ALOX12B: variants seen among roughly 807,000 people sequenced by gnomAD.
ALOX12B encodes the protein arachidonate 12-lipoxygenase, 12R type, also known as arachidonate 12-lipoxygenase, 12R-type.
ALOX12B carries 47 observed loss-of-function variants against 78.9 expected under a neutral mutation model. That is an observed-to-expected ratio of 0.60 (90% CI 0.47 to 0.76). ALOX12B has a LOEUF of 0.76. Among genes scored for constraint, ALOX12B ranks in the 30% least tolerant of loss-of-function variants. The pLI, the probability that ALOX12B is intolerant of heterozygous loss-of-function variation, is 0.00. For missense variants in ALOX12B, 805 were observed against 922.6 expected, an observed-to-expected ratio of 0.87 and a Z score of 1.65; for synonymous variants, 370 against 374.5, an observed-to-expected ratio of 0.99 and a Z score of 0.14.
rs929171600 is a variant in ALOX12B at position 8,080,079 on chromosome 17, G to A, written c.755-138C>T. On this transcript the variant is annotated intron_variant, in intron 6 of 14. Coordinates refer to ENST00000647874, the MANE Select transcript of ALOX12B (RefSeq NM_001139.3). The surrounding 1 kb of genome is among the most constrained non-coding windows in gnomAD (Gnocchi z 4.8). The stretch of plus-strand genomic sequence containing the variant: ...GCCCCCAGCCTGGCGCTGAGCGGCC[G>A]GAGGAGCCCGGTGCGACATTTTCCA... 2.0e-6 allele frequency: 3 copies of A among 1,479,230 alleles called. No individual in the cohort carries two copies. The highest frequency in any genetic ancestry group is 2.3e-5 in the East Asian group (1 of 43,694). 91.6% of individuals were successfully genotyped at this position (1,479,230 alleles called of 1,614,324 possible).
chr17:8,084,202 A>G (rs533646036), intron 2 of ALOX12B, among the ~76,000 whole-genome samples: 1 of 152,270 alleles, frequency 6.6e-6, no homozygotes, highest in South Asian at 2.1e-4. Context: ...AGTCAGTGGA[A>G]GAACTGAGAC....
At position 8,073,284 on chromosome 17, in the gene ALOX12B, G is replaced by C; in HGVS notation, c.1790C>G (p.Ala597Gly). 6.2e-7 allele frequency: 1 copy of C among 1,614,174 alleles called. No individual in the cohort carries two copies. Among genetic ancestry groups the C allele is most frequent in the Non-Finnish European group, 8.5e-7 (1 of 1,180,046 alleles). ...CTGAATCGGTGGATTCCGCATGGACGCTGGGAAGTTGGGCATCCAGGCGGT... is the reference window on the plus strand; with the variant it reads ...CTGAATCGGTGGATTCCGCATGGACCCTGGGAAGTTGGGCATCCAGGCGGT... ...EFTAWMPNFP[A>G]SMRNPPIQTK... Residue 597 changes from alanine to glycine, a missense_variant, in exon 14 of 15, where the codon GCG becomes GGG. Physicochemically the swap from Ala to Gly is moderately conservative, Grantham distance 60. Coordinates refer to ENST00000647874, the MANE Select transcript of ALOX12B (RefSeq NM_001139.3).
In ALOX12B at chr17:8,079,419, T is replaced by C. The variant is rs1352655945; in HGVS notation, c.1048A>G (p.Lys350Glu). 3 of 1,551,900 alleles carry C rather than the reference T, an allele frequency of 1.9e-6. No homozygotes were observed. In the Admixed American group the frequency reaches 5.9e-5, roughly 30 times the overall value. Residue 350 changes from lysine to glutamate, a missense_variant, in exon 8 of 15, where the codon AAG becomes GAG. By Grantham distance (56) the Lys-to-Glu change is moderately conservative. Coordinates refer to ENST00000647874, the MANE Select transcript of ALOX12B (RefSeq NM_001139.3). The surrounding 1 kb of genome is among the most constrained non-coding windows in gnomAD (Gnocchi z 6.4). ...ACCTGGATGGCGATGGGCATCATCT[T>C]GCCCTCGGGTCCAAAGTGCAGCAGG... The part of the protein sequence containing the change: ...LCLLHFGPEG[K>E]MMPIAIQLSQ...
In ALOX12B at chr17:8,081,255, T is replaced by C. The variant is rs934046296; in HGVS notation, c.353-68A>G. On this transcript the variant is annotated intron_variant, in intron 2 of 14. Coordinates refer to ENST00000647874, the MANE Select transcript of ALOX12B (RefSeq NM_001139.3). ...CCCTGCCCACTTCAGGAAGCAGGAG[T>C]TCAGCTTCTGTGCCCCAGGTCGTCT... 2.0e-6 allele frequency: 3 copies of C among 1,531,192 alleles called. No individual in the cohort carries two copies. The African/African-American group carries it at 4.1e-5, about 21-fold the overall frequency. The allele number at this position is 1,531,192 out of a possible 1,614,324, so 94.9% of individuals were successfully genotyped here.
At chr17:8,081,219 C>T (rs1357005584) in intron 2 of ALOX12B, 32 bp from the exon 3 acceptor site, 1 of 1,604,276 alleles carries the variant, frequency 6.2e-7, no homozygotes, top group Non-Finnish European at 8.5e-7. Context: ...GACTCAAGGG[C>T]TGACCCTTGC....
At chr17:8,073,948 G>C (rs2151821213) in intron 12 of ALOX12B, among the ~76,000 whole-genome samples, 191 bp from the exon 13 acceptor site, 1 of 152,262 alleles carries the variant, frequency 6.6e-6, no homozygotes, top group South Asian at 2.1e-4. Context: ...TCATAAGGCT[G>C]GGGACGGAGG....
Position 8,081,141 on chromosome 17 carries a change from T to C in ALOX12B, c.399A>G (p.Arg133=). The change falls in exon 3 of 15, where the codon AGA becomes AGG. Residue 133 remains arginine, a synonymous_variant. Transcript: ENST00000647874. ...CCTGCTTGGCTCTGATCTCCTCTTT[T>C]CTGTGCTCCAGGAGGACGGGGAGCG... is the stretch of plus-strand genomic sequence containing the variant. The part of the protein sequence containing the change: ...DDSLPVLLEH[R]KEEIRAKQDF... The C allele has an allele frequency of 3.7e-6, 6 of 1,613,880 alleles. No individual in the cohort carries two copies. The highest frequency in any genetic ancestry group is 5.1e-6 in the Non-Finnish European group (6 of 1,179,990).
Position 8,076,957 on chromosome 17 carries a change from GC to G in ALOX12B, c.1275+32del, listed in dbSNP as rs773524242. 5 of 1,602,462 alleles carry G rather than the reference GC, an allele frequency of 3.1e-6. No individual in the cohort carries two copies. The South Asian group carries it at 5.6e-5, about 18-fold the overall frequency. ...TCGGAGGCCAGGTGAGGGCCATGAT[GC>G]CTGGGGGAGGCCCCTTCTCCCAAGC... is the stretch of plus-strand genomic sequence containing the variant. On this transcript the variant is annotated intron_variant, in intron 9 of 14. Coordinates refer to ENST00000647874, the MANE Select transcript of ALOX12B (RefSeq NM_001139.3).
At position 8,072,885 on chromosome 17, in the gene ALOX12B, C is replaced by T. The variant is rs1374842602; in HGVS notation, c.1992G>A (p.Ala664=). 6.2e-7 allele frequency: 1 copy of T among 1,614,136 alleles called. No individual in the cohort carries two copies. Among genetic ancestry groups the T allele is most frequent in the Admixed American group, 1.7e-5 (1 of 60,024 alleles). Residue 664 remains alanine (A), a synonymous_variant, in exon 15 of 15, where the codon GCG becomes GCA. Coordinates refer to ENST00000647874, the MANE Select transcript of ALOX12B (RefSeq NM_001139.3). ...AGATCTGGTTCAGGCGCTGGCGGAA[C>T]GCCTCTATGCTCCTCCGCGGGGCCT... The part of the protein sequence containing the change: ...VEEAPRRSIE[A]FRQRLNQISH...
In ALOX12B at chr17:8,083,119, T is replaced by C. The variant is rs79164491; in HGVS notation, c.353-1932A>G. 4.6e-5 allele frequency among the ~76,000 whole-genome samples: 7 copies of C among 152,312 alleles called. No individual in the cohort carries two copies. In the East Asian group the frequency reaches 1.3e-3, roughly 29 times the overall value. On this transcript the variant is annotated intron_variant, in intron 2 of 14. Transcript: ENST00000647874. ...ACTGGGAAGTGTTAGTATATTTGAT[T>C]GGGGTGCCCTGTGGTAGATATAGCA...
chr17:8,087,253 C>CAG, intron 1 of ALOX12B, 43 bp downstream of exon 1: 5 of 1,130,648 alleles, frequency 4.4e-6, no homozygotes, highest in Non-Finnish European at 1.2e-6. Context: ...CACACACACA[C>CAG]ACACAGACAC....
chr17:8,079,770 T>A lies in ALOX12B; in HGVS notation c.926A>T (p.Glu309Val). The change falls in exon 7 of 15, where the codon GAG becomes GTG. Residue 309 changes from glutamate (E) to valine (V), a missense_variant and splice_region_variant. Coordinates refer to ENST00000647874, the MANE Select transcript of ALOX12B (RefSeq NM_001139.3). The surrounding 1 kb of genome is among the most constrained non-coding windows in gnomAD (Gnocchi z 6.4). ...GGTCTCCGCCGGAGCGGGCCTCACCTCCAGCTCCGCTTGCAAGCACGTTCC... is the reference window on the plus strand; with the variant it reads ...GGTCTCCGCCGGAGCGGGCCTCACCACCAGCTCCGCTTGCAAGCACGTTCC... ...GEGTCLQAEL[E>V]KGNIYLADYR... 1.9e-6 allele frequency: 3 copies of A among 1,611,608 alleles called. No homozygotes were observed. Among genetic ancestry groups the A allele is most frequent in the Non-Finnish European group, 2.5e-6 (3 of 1,179,508 alleles).
chr17:8,075,466 G>C, intron 12 of ALOX12B, 129 bp downstream of exon 12: 1 of 1,461,310 alleles, frequency 6.8e-7, no homozygotes, highest in South Asian at 1.1e-5. Context: ...TCCTAGGGCA[G>C]CAATTTGGTC....
At chr17:8,073,101 C>T in intron 14 of ALOX12B, 47 bp downstream of exon 14, 1 of 1,612,948 alleles carries the variant, frequency 6.2e-7, no homozygotes, top group Non-Finnish European at 8.5e-7. Flanking sequence ...CCATCCCCGG[C>T]TTCTGGTCCC....
chr17:8,076,283 G>T lies in ALOX12B; in HGVS notation c.1424C>A (p.Thr475Asn), dbSNP rs1473040614. The T allele has an allele frequency of 1.2e-6, 2 of 1,613,892 alleles. No homozygotes were observed. The change falls in exon 11 of 15, where the codon ACC becomes AAC. Residue 475 changes from threonine (T) to asparagine (N), a missense_variant. Thr to Asn is a moderately conservative substitution (Grantham distance 65, BLOSUM62 0). Coordinates refer to ENST00000647874, the MANE Select transcript of ALOX12B (RefSeq NM_001139.3). ...ATTGGGGAGGTAGAGGCTGTCATAG[G>T]TGAGCTCCGACAGAGCCCGTACCAT... ...GVMVRALSEL[T>N]YDSLYLPNDF...
chr17:8,073,096 C>G (rs1328687583), intron 14 of ALOX12B, 52 bp downstream of exon 14: 1 of 1,612,460 alleles, frequency 6.2e-7, no homozygotes, highest in Non-Finnish European at 8.5e-7. Context: ...CTCCCCCATC[C>G]CCGGCTTCTG....
At chr17:8,084,721 G>A (rs767342103) in intron 2 of ALOX12B, among the ~76,000 whole-genome samples, 3 of 152,226 alleles carry the variant, frequency 2.0e-5, no homozygotes, top group Non-Finnish European at 2.9e-5. Flanking sequence ...ACGGAAGAGA[G>A]GTAGTCAGCT....
At position 8,080,238 on chromosome 17, in the gene ALOX12B, AGAC is replaced by A; in HGVS notation, c.748_750del (p.Val250del). The A allele has an allele frequency of 6.2e-7, 1 of 1,614,104 alleles. No individual in the cohort carries two copies. Among genetic ancestry groups the A allele is most frequent in the Non-Finnish European group, 8.5e-7 (1 of 1,179,930 alleles). On this transcript the variant is annotated inframe_deletion, in exon 6 of 15. Coordinates refer to ENST00000647874, the MANE Select transcript of ALOX12B (RefSeq NM_001139.3). This position sits in a 1 kb window ranked among gnomAD's most constrained non-coding sequence, Gnocchi z 4.8. ...TCCGGGACGCCCCATTCCATACCGGAGACGACAGATTTCTTGCCAGGGAAAATT... is the reference window on the plus strand; with the variant it reads ...TCCGGGACGCCCCATTCCATACCGGAGACAGATTTCTTGCCAGGGAAAATT...
At chr17:8,076,872 C>T (rs1413323560) in intron 9 of ALOX12B, 118 bp downstream of exon 9, 3 of 714,308 alleles carry the variant, frequency 4.2e-6, no homozygotes, top group Non-Finnish European at 6.2e-6. Context: ...CTCTTGTGGT[C>T]CCCAGATGCC....
Sources: gnomAD v4.1 joint callset for allele counts (sites outside exome capture counted in the v4.1 genomes callset) on GRCh38, gnomAD v4.1.1 for gene constraint, Gnocchi (gnomAD v3.1) non-coding constraint, MANE v1.5 for transcripts, NCBI Gene and HGNC (gene_info 2026-07-23, HGNC 2026-07-21) for gene names.